AVEN: variants seen among roughly 807,000 people sequenced by gnomAD.
The protein encoded by AVEN is cell death regulator Aven.
In AVEN, 41 loss-of-function variants were observed where a neutral mutation model predicts 38.1. The observed-to-expected ratio is 1.08, with a 90% CI of 0.84 to 1.40. AVEN has a LOEUF of 1.40. AVEN is among the 40% of genes most tolerant of loss of function. AVEN has a pLI of 0.00. For missense variants in AVEN, 605 were observed against 438.8 expected (o/e 1.38, Z -3.38); for synonymous variants, 206 against 171.8 (o/e 1.20, Z -1.56).
chr15:34,020,638 G>C (rs1898163286), intron 1 of AVEN, among the ~76,000 whole-genome samples: 1 of 152,178 alleles, frequency 6.6e-6, no homozygotes, highest in Admixed American at 6.5e-5. Context: ...ATGGGCAGCT[G>C]TAACTTCATA....
chr15:33,883,261 G>C (rs1292984849), intron 2 of AVEN, among the ~76,000 whole-genome samples: 1 of 152,136 alleles, frequency 6.6e-6, no homozygotes, highest in Non-Finnish European at 1.5e-5. Context: ...GTGACTACAG[G>C]AATAACCAAA....
intron 2 of AVEN, among the ~76,000 whole-genome samples, chr15:34,002,378 A>T (rs755597774): frequency 5.6e-5 from 8 of 142,664 alleles, no homozygotes; most frequent in Non-Finnish European, 1.1e-4. Flanking sequence ...GTTATTCTTT[A>T]AACTCTTACG....
intron 11 of AVEN, chr15:33,860,551 G>C (rs1440295706): frequency 2.5e-6 from 3 of 1,216,840 alleles, no homozygotes; most frequent in Non-Finnish European, 3.4e-6. Context: ...CTCTACCCCT[G>C]AACCACTACA....
chr15:33,940,976 A>G (rs2153053703), intron 2 of AVEN, among the ~76,000 whole-genome samples: 1 of 152,360 alleles, frequency 6.6e-6, no homozygotes, highest in South Asian at 2.1e-4. Flanking sequence ...TTTACAGAGT[A>G]TTAGTTCTAC....
At chr15:33,879,046 T>C (rs1429004691) in intron 2 of AVEN, among the ~76,000 whole-genome samples, 1 of 152,110 alleles carries the variant, frequency 6.6e-6, no homozygotes, top group Non-Finnish European at 1.5e-5. Context: ...TATCTGAATG[T>C]TCACTTAAAA....
At chr15:33,943,536 CTG>C (rs1439424085) in intron 2 of AVEN, among the ~76,000 whole-genome samples, 1 of 152,160 alleles carries the variant, frequency 6.6e-6, no homozygotes, top group Admixed American at 6.5e-5. Context: ...CCCTATGGAA[CTG>C]TACAATTAAA....
At chr15:33,876,401 G>C (rs1891232426) in intron 2 of AVEN, among the ~76,000 whole-genome samples, 1 of 151,920 alleles carries the variant, frequency 6.6e-6, no homozygotes, top group Admixed American at 6.6e-5. Flanking sequence ...GTGAAACCGT[G>C]TCTCTACTAA....
downstream of AVEN, among the ~76,000 whole-genome samples, chr15:33,863,454 C>T (rs1477053187): frequency 6.6e-6 from 1 of 152,148 alleles, no homozygotes; most frequent in Non-Finnish European, 1.5e-5. Flanking sequence ...TCTACTTTCT[C>T]ATATCACCAA....
rs1900428991 is a variant in AVEN at position 34,063,719 on chromosome 15, G to A, written n.1127-287C>T. 2 of 1,614,052 alleles carry A rather than the reference G, an allele frequency of 1.2e-6. No homozygotes were observed. Among genetic ancestry groups the A allele is most frequent in the East Asian group, 2.2e-5 (1 of 44,892 alleles). On this transcript the variant is annotated intron_variant and non_coding_transcript_variant, in intron 4 of 11. Transcript: ENST00000675287. This position sits in a 1 kb window ranked among gnomAD's most constrained non-coding sequence, Gnocchi z 4.1. Reference sequence around the variant, plus strand: ...AGAGTCAGGGTAAGGAAAGCCCAGGGGAAGAATTCAGTGCTGAAGAGACTG... The same window carrying A: ...AGAGTCAGGGTAAGGAAAGCCCAGGAGAAGAATTCAGTGCTGAAGAGACTG...
intron 1 of AVEN, among the ~76,000 whole-genome samples, chr15:34,031,945 GTTAA>G (rs777698310): frequency 2.6e-5 from 4 of 151,930 alleles, no homozygotes; most frequent in Admixed American, 6.6e-5. Context: ...TAACAAAGCT[GTTAA>G]TTATTTCCAT....
chr15:33,863,573 G>C (rs1389616315), downstream of AVEN, among the ~76,000 whole-genome samples: 2 of 152,154 alleles, frequency 1.3e-5, no homozygotes, highest in Non-Finnish European at 2.9e-5. Context: ...GGATACTTAT[G>C]TGTCACAGAC....
chr15:34,072,815 A>T (rs992141816), intron 1 of AVEN, among the ~76,000 whole-genome samples: 1 of 146,780 alleles, frequency 6.8e-6, no homozygotes, highest in African/African-American at 2.5e-5. Flanking sequence ...CACTCAGCTA[A>T]TTTTTTTGCA....
At chr15:33,886,251 A>C (rs553330480) in intron 2 of AVEN, among the ~76,000 whole-genome samples, 1 of 152,312 alleles carries the variant, frequency 6.6e-6, no homozygotes, top group East Asian at 1.9e-4. Flanking sequence ...TAACGGAATC[A>C]TGGGGGGCGG....
chr15:33,997,706 T>C (rs1396035140), intron 2 of AVEN, among the ~76,000 whole-genome samples: 8 of 152,166 alleles, frequency 5.3e-5, no homozygotes, highest in African/African-American at 1.9e-4. Context: ...TCTTCACTTA[T>C]TTCCTTATCC....
chr15:33,855,055 G>C (rs555763446), downstream of AVEN: 2 of 865,184 alleles, frequency 2.3e-6, no homozygotes, highest in East Asian at 6.5e-5. Context: ...TCAACTAATG[G>C]TGATTGTTTT....
intron 2 of AVEN, among the ~76,000 whole-genome samples, chr15:33,974,721 C>T (rs765914084): frequency 1.1e-4 from 17 of 152,124 alleles, no homozygotes; most frequent in Non-Finnish European, 2.2e-4. Flanking sequence ...GCCTGTAATC[C>T]CAGCACTTTG....
At chr15:33,882,264 A>G (rs1394935905) in intron 2 of AVEN, among the ~76,000 whole-genome samples, 1 of 152,152 alleles carries the variant, frequency 6.6e-6, no homozygotes, top group Non-Finnish European at 1.5e-5. Context: ...ACAAAATCCA[A>G]TGACTGCTTA....
Position 34,063,710 on chromosome 15 carries a change from A to G in AVEN, n.1127-278T>C, listed in dbSNP as rs768972163. The G allele has an allele frequency of 6.2e-7, 1 of 1,614,214 alleles. No homozygotes were observed. Among genetic ancestry groups the G allele is most frequent in the South Asian group, 1.1e-5 (1 of 91,080 alleles). On this transcript the variant is annotated intron_variant and non_coding_transcript_variant, in intron 4 of 11. Coordinates refer to the AVEN transcript ENST00000675287. The surrounding 1 kb of genome is among the most constrained non-coding windows in gnomAD (Gnocchi z 4.1). Reference sequence around the variant, plus strand: ...TGGTCTACAAGAGTCAGGGTAAGGAAAGCCCAGGGGAAGAATTCAGTGCTG... The same window carrying G: ...TGGTCTACAAGAGTCAGGGTAAGGAGAGCCCAGGGGAAGAATTCAGTGCTG...
intron 1 of AVEN, among the ~76,000 whole-genome samples, chr15:34,016,235 AAAAAAC>A (rs951470489): frequency 2.6e-5 from 4 of 152,216 alleles, no homozygotes; most frequent in South Asian, 2.1e-4. Context: ...ACTCCATCTC[AAAAAAC>A]AAAAACAAAA....
Sources: gnomAD v4.1 joint callset for allele counts (sites outside exome capture counted in the v4.1 genomes callset) on GRCh38, gnomAD v4.1.1 for gene constraint, Gnocchi (gnomAD v3.1) non-coding constraint, MANE v1.5 for transcripts, NCBI Gene and HGNC (gene_info 2026-07-23, HGNC 2026-07-21) for gene names.